CSRNP3: variants seen among roughly 807,000 people sequenced by gnomAD.
The protein encoded by CSRNP3 is cysteine and serine rich nuclear protein 3, also known as cysteine/serine-rich nuclear protein 3.
CSRNP3 carries 12 observed loss-of-function variants against 48.0 expected under a neutral mutation model. That is an observed-to-expected ratio of 0.25 (90% CI 0.16 to 0.41). CSRNP3 has a LOEUF of 0.41. CSRNP3 is among the 10% of genes least tolerant of loss of function. The probability of loss-of-function intolerance (pLI) is 1.00; values close to 1 mark genes in which losing one functional copy is unlikely to be tolerated. For missense variants in CSRNP3, 580 were observed against 724.4 expected, an observed-to-expected ratio of 0.80 and a Z score of 2.29; for synonymous variants, 263 against 269.7, an observed-to-expected ratio of 0.98 and a Z score of 0.24.
intron 5 of CSRNP3, among the ~76,000 whole-genome samples, chr2:165,662,869 T>C (rs1162126001): frequency 6.6e-6 from 1 of 152,240 alleles, no homozygotes; most frequent in Non-Finnish European, 1.5e-5. Flanking sequence ...TGTACTTTTC[T>C]CAAGTTTTCA....
intron 4 of CSRNP3, among the ~76,000 whole-genome samples, chr2:165,619,541 A>G (rs368814109): frequency 6.6e-6 from 1 of 152,106 alleles, no homozygotes; most frequent in East Asian, 1.9e-4. Flanking sequence ...AGAAATCTCT[A>G]GAGAGAATAT....
intron 2 of CSRNP3, among the ~76,000 whole-genome samples, chr2:165,497,432 G>C (rs889282728): frequency 1.3e-5 from 2 of 152,032 alleles, no homozygotes; most frequent in Admixed American, 6.6e-5. Context: ...TGGGGAGGAA[G>C]GATAAAGAAT....
At chr2:165,574,476 G>T (rs1048828582) in intron 3 of CSRNP3, 2 of 1,323,474 alleles carry the variant, frequency 1.5e-6, no homozygotes, top group East Asian at 2.6e-5. Context: ...TTCTATTAAA[G>T]ACACTGATGG....
At chr2:165,565,264 T>TC (rs1685282646) in intron 3 of CSRNP3, among the ~76,000 whole-genome samples, 1 of 152,100 alleles carries the variant, frequency 6.6e-6, no homozygotes, top group East Asian at 1.9e-4. Context: ...CATAAGAAAG[T>TC]CTTAGAATAT....
rs200725905 is a variant in CSRNP3 at position 165,566,904 on chromosome 2, A to C, written c.-23-28139A>C. Reference sequence around the variant, plus strand: ...GTATGAATTAATGCATAAATCAATAAATGAACCCAGATGAATAATATGCCA... The same window carrying C: ...GTATGAATTAATGCATAAATCAATACATGAACCCAGATGAATAATATGCCA... On this transcript the variant is annotated intron_variant, in intron 3 of 6. Transcript: ENST00000651982. 9.9e-5 allele frequency: 15 copies of C among 152,184 alleles called. No individual in the cohort carries two copies. In the East Asian group the frequency reaches 2.9e-3, roughly 29 times the overall value. The allele number at this position is 152,184 out of a possible 1,614,324, so 9.4% of individuals were successfully genotyped here. A position where few individuals can be genotyped will look rare whatever the true frequency, so the allele number is the denominator to read the frequency against.
chr2:165,621,421 G>T (rs779505808), intron 4 of CSRNP3, among the ~76,000 whole-genome samples: 52 of 151,636 alleles, frequency 3.4e-4, no homozygotes, highest in Non-Finnish European at 6.3e-4. Flanking sequence ...ACAGAACAAA[G>T]AAATAAAATA....
chr2:165,509,708 A>G (rs1684476657), intron 2 of CSRNP3, among the ~76,000 whole-genome samples: 1 of 152,212 alleles, frequency 6.6e-6, no homozygotes, highest in Non-Finnish European at 1.5e-5. Context: ...AACCTCTTAC[A>G]TAACAATAGC....
At chr2:165,530,361 A>T (rs549766028) in intron 3 of CSRNP3, among the ~76,000 whole-genome samples, 1 of 152,148 alleles carries the variant, frequency 6.6e-6, no homozygotes, top group Non-Finnish European at 1.5e-5. Context: ...TCATATAGCA[A>T]ATGGCTCTCC....
chr2:165,499,065 A>G (rs1026326869), intron 2 of CSRNP3, among the ~76,000 whole-genome samples: 1 of 152,200 alleles, frequency 6.6e-6, no homozygotes, highest in South Asian at 2.1e-4. Flanking sequence ...CTTTGGGTCC[A>G]TCTAGCAGTG....
At chr2:165,642,103 A>AACACACACACACACACAAAC (rs1452981285) in intron 4 of CSRNP3, among the ~76,000 whole-genome samples, 78 of 132,104 alleles carry the variant, frequency 5.9e-4, no homozygotes, top group Non-Finnish European at 6.4e-4. Flanking sequence ...CACACACACA[A>AACACACACACACACACAAAC]ACACACACAC....
intron 4 of CSRNP3, among the ~76,000 whole-genome samples, chr2:165,630,587 A>T (rs1221504018): frequency 6.6e-6 from 1 of 152,162 alleles, no homozygotes; most frequent in Non-Finnish European, 1.5e-5. Context: ...GGTCTCCAGG[A>T]TCCTCTCCAG....
At chr2:165,482,503 G>C (rs1684061231) in intron 1 of CSRNP3, among the ~76,000 whole-genome samples, 1 of 152,080 alleles carries the variant, frequency 6.6e-6, no homozygotes, top group Admixed American at 6.5e-5. Flanking sequence ...GACCTCAAGT[G>C]ATCTGCCCGC....
intron 2 of CSRNP3, among the ~76,000 whole-genome samples, chr2:165,495,718 C>A (rs1684275028): frequency 6.6e-6 from 1 of 151,980 alleles, no homozygotes; most frequent in African/African-American, 2.4e-5. Context: ...AGCCCCTTAC[C>A]TTCACCCACC....
intron 3 of CSRNP3, among the ~76,000 whole-genome samples, chr2:165,580,838 A>T (rs1210518074): frequency 6.6e-6 from 1 of 150,544 alleles, no homozygotes; most frequent in East Asian, 1.9e-4. Context: ...AATAATTTTT[A>T]ATTCTTTTAG....
At chr2:165,664,162 G>A (rs144731417) in intron 5 of CSRNP3, among the ~76,000 whole-genome samples, 411 of 152,250 alleles carry the variant, frequency 2.7e-3, no homozygotes, top group Middle Eastern at 0.01. Flanking sequence ...GCAATTAACA[G>A]CTAATGAGCT....
chr2:165,569,154 T>C (rs1277533145), intron 3 of CSRNP3, among the ~76,000 whole-genome samples: 1 of 152,136 alleles, frequency 6.6e-6, no homozygotes, highest in Non-Finnish European at 1.5e-5. Flanking sequence ...TTAAATTGAA[T>C]TGAATTAGTC....
chr2:165,484,292 T>G (rs973833150), intron 1 of CSRNP3, among the ~76,000 whole-genome samples: 4 of 152,018 alleles, frequency 2.6e-5, no homozygotes, highest in Non-Finnish European at 4.4e-5. Context: ...GGGGTTTCAC[T>G]GTGTTGGCCA....
intron 2 of CSRNP3, among the ~76,000 whole-genome samples, chr2:165,508,563 C>T (rs1184727287): frequency 6.6e-6 from 1 of 152,086 alleles, no homozygotes; most frequent in Non-Finnish European, 1.5e-5. Flanking sequence ...TATTGACAAC[C>T]TGGTTTATAT....
chr2:165,537,637 T>A (rs989134187), intron 3 of CSRNP3, among the ~76,000 whole-genome samples: 8 of 151,742 alleles, frequency 5.3e-5, no homozygotes, highest in East Asian at 1.9e-4. Flanking sequence ...ACAATTTTTT[T>A]AAAAATTTCA....
Sources: allele counts gnomAD v4.1 joint callset (sites outside exome capture counted in the v4.1 genomes callset), GRCh38; gene constraint gnomAD v4.1.1; transcripts MANE v1.5; gene names NCBI Gene and HGNC (gene_info 2026-07-23, HGNC 2026-07-21).